C3orf70: variants seen among roughly 807,000 people sequenced by gnomAD.
The protein encoded by C3orf70 is UPF0524 protein C3orf70.
C3orf70 carries 15 observed loss-of-function variants against 20.7 expected under a neutral mutation model. The observed-to-expected ratio is 0.72, with a 90% CI of 0.48 to 1.11. The LOEUF (loss-of-function observed/expected upper bound fraction) is 1.11. C3orf70 is among the 50% of genes most tolerant of loss of function. The pLI is 0.00. For synonymous variants in C3orf70, 161 were observed against 125.7 expected (o/e 1.28, Z -1.88); for missense variants, 332 against 317.6 (o/e 1.05, Z -0.34).
At chr3:185,148,193 TA>T (rs1716915079) in intron 1 of C3orf70, among the ~76,000 whole-genome samples, 1 of 152,220 alleles carries the variant, frequency 6.6e-6, no homozygotes, top group Non-Finnish European at 1.5e-5. Context: ...TATAAGTAAG[TA>T]AATTACTTAC....
chr3:185,094,929 T>G (rs1379934118), intron 1 of C3orf70, among the ~76,000 whole-genome samples: 1 of 152,146 alleles, frequency 6.6e-6, no homozygotes, highest in Non-Finnish European at 1.5e-5. Flanking sequence ...ACACACAGAC[T>G]CAGCCCGTCT....
At chr3:185,126,033 A>C (rs1716404276) in intron 1 of C3orf70, among the ~76,000 whole-genome samples, 2 of 152,220 alleles carry the variant, frequency 1.3e-5, no homozygotes, top group Admixed American at 6.5e-5. Context: ...AAATGTGTGA[A>C]TTGTACTGTA....
chr3:185,140,697 C>G (rs1468098591), intron 1 of C3orf70, among the ~76,000 whole-genome samples: 1 of 151,520 alleles, frequency 6.6e-6, no homozygotes. Flanking sequence ...GCCTGGAATC[C>G]CAGCACTTTG....
At chr3:185,093,059 G>T (rs1715628267) in intron 1 of C3orf70, among the ~76,000 whole-genome samples, 1 of 151,754 alleles carries the variant, frequency 6.6e-6, no homozygotes, top group African/African-American at 2.4e-5. Flanking sequence ...AAATGCCTGG[G>T]ATCTGAAGTG....
At chr3:185,123,228 A>G (rs930395224) in intron 1 of C3orf70, among the ~76,000 whole-genome samples, 1 of 151,520 alleles carries the variant, frequency 6.6e-6, no homozygotes, top group Non-Finnish European at 1.5e-5. Context: ...CATTATCACA[A>G]TGTTGACTGT....
At chr3:185,105,186 A>G (rs971959637) in intron 1 of C3orf70, among the ~76,000 whole-genome samples, 41 of 152,386 alleles carry the variant, frequency 2.7e-4, no homozygotes, top group Admixed American at 2.2e-3. Flanking sequence ...ATGTTAGGAC[A>G]ACTGGATATC....
At chr3:185,099,907 C>T (rs1412894938) in intron 1 of C3orf70, among the ~76,000 whole-genome samples, 1 of 152,176 alleles carries the variant, frequency 6.6e-6, no homozygotes, top group Non-Finnish European at 1.5e-5. Flanking sequence ...GCAGGGGATG[C>T]AACCCTAATT....
chr3:185,089,305 C>G (rs1715518468), intron 1 of C3orf70, among the ~76,000 whole-genome samples: 1 of 151,392 alleles, frequency 6.6e-6, no homozygotes. Flanking sequence ...GATATTTATT[C>G]TGTGTATTGC....
rs1715267181 is a variant in C3orf70, at chr3:185,079,054, G to A, written c.*3953C>T. On this transcript the variant is annotated 3_prime_UTR_variant, in exon 2 of 2. Coordinates refer to ENST00000335012, the MANE Select transcript of C3orf70 (RefSeq NM_001025266.3). Reference sequence around the variant, plus strand: ...CCCAGCACTTTGGGAAGCCGAGGAGGGTGGATCACGAGGTCATGAGATCAA... The same window carrying A: ...CCCAGCACTTTGGGAAGCCGAGGAGAGTGGATCACGAGGTCATGAGATCAA... 6.6e-6 allele frequency: 1 copy of A among 152,068 alleles called. No individual in the cohort carries two copies. Among genetic ancestry groups the A allele is most frequent in the Non-Finnish European group, 1.5e-5 (1 of 68,024 alleles). 9.4% of individuals were successfully genotyped at this position (152,068 alleles called of 1,614,324 possible).
chr3:185,085,507 C>T (rs1311842515), intron 1 of C3orf70, among the ~76,000 whole-genome samples: 2 of 152,144 alleles, frequency 1.3e-5, no homozygotes, highest in Non-Finnish European at 2.9e-5. Context: ...CATTTAAAGT[C>T]GTTAAGCCTC....
At chr3:185,108,351 C>A (rs1715990863) in intron 1 of C3orf70, among the ~76,000 whole-genome samples, 1 of 152,182 alleles carries the variant, frequency 6.6e-6, no homozygotes, top group East Asian at 1.9e-4. Context: ...GTATTGACTG[C>A]TTTTGATATG....
intron 1 of C3orf70, among the ~76,000 whole-genome samples, chr3:185,137,503 C>A (rs1016472260): frequency 2.0e-5 from 3 of 152,174 alleles, no homozygotes; most frequent in African/African-American, 7.2e-5. Context: ...CCCATTCTTT[C>A]CAGGTGTCCA....
At position 185,136,242 on chromosome 3, in the gene C3orf70, CAGTGTA is replaced by C. The variant is rs201199157; in HGVS notation, c.196+16380_196+16385del. On this transcript the variant is annotated intron_variant, in intron 1 of 1. Transcript: ENST00000335012. ...GACATCAGATAATGAAAAAAAGGGT[CAGTGTA>C]ACAAGATATCAGCAATCCCAAATGT... 6.3e-3 allele frequency among the ~76,000 whole-genome samples: 965 copies of C among 152,280 alleles called. 12 individuals are homozygous for C. Among genetic ancestry groups the C allele is most frequent in the African/African-American group, 0.022 (906 of 41,562 alleles).
At chr3:185,146,089 G>C (rs1176179272) in intron 1 of C3orf70, among the ~76,000 whole-genome samples, 1 of 151,590 alleles carries the variant, frequency 6.6e-6, no homozygotes, top group Non-Finnish European at 1.5e-5. Flanking sequence ...CTCTGTCTCT[G>C]GAAGAACCTA....
At chr3:185,092,854 G>C (rs539542393) in intron 1 of C3orf70, among the ~76,000 whole-genome samples, 2 of 152,042 alleles carry the variant, frequency 1.3e-5, no homozygotes, top group Non-Finnish European at 2.9e-5. Context: ...AGTTGGGTGC[G>C]GTGGCACATG....
chr3:185,142,493 T>G (rs1313022063), intron 1 of C3orf70, among the ~76,000 whole-genome samples: 2 of 152,190 alleles, frequency 1.3e-5, no homozygotes, highest in East Asian at 3.9e-4. Flanking sequence ...TTAGAGAACC[T>G]CTTCATTATA....
At chr3:185,091,128 C>A (rs1246329676) in intron 1 of C3orf70, among the ~76,000 whole-genome samples, 1 of 151,930 alleles carries the variant, frequency 6.6e-6, no homozygotes, top group Non-Finnish European at 1.5e-5. Context: ...CAGATAGATA[C>A]AGAAGATAAG....
At chr3:185,112,340 A>G (rs1241426912) in intron 1 of C3orf70, among the ~76,000 whole-genome samples, 3 of 152,134 alleles carry the variant, frequency 2.0e-5, no homozygotes, top group Non-Finnish European at 4.4e-5. Flanking sequence ...CTATATTCTG[A>G]CTGTAACAAG....
intron 1 of C3orf70, among the ~76,000 whole-genome samples, chr3:185,147,722 T>C (rs902329496): frequency 6.6e-6 from 1 of 152,226 alleles, no homozygotes; most frequent in Non-Finnish European, 1.5e-5. Flanking sequence ...TCAGTAAATA[T>C]TAACAATTGT....
Sources: gnomAD v4.1 joint callset for allele counts (sites outside exome capture counted in the v4.1 genomes callset) on GRCh38, gnomAD v4.1.1 for gene constraint, MANE v1.5 for transcripts, NCBI Gene and HGNC (gene_info 2026-07-23, HGNC 2026-07-21) for gene names.